Variants in RSPH14 observed in about 807,000 individuals in gnomAD.
The protein encoded by RSPH14 is radial spoke head 14 homolog.
RSPH14 carries 20 observed loss-of-function variants against 26.7 expected under a neutral mutation model. The observed-to-expected ratio is 0.75, with a 90% confidence interval of 0.53 to 1.09. The LOEUF (loss-of-function observed/expected upper bound fraction) is 1.09, where lower values mean the gene tolerates loss of function less well. Among genes scored for constraint, RSPH14 ranks in the 50% least tolerant of loss-of-function variants. The probability of loss-of-function intolerance (pLI) is 0.00; values close to 1 mark genes in which losing one functional copy is unlikely to be tolerated. For missense variants in RSPH14, 449 were observed against 457.2 expected (o/e 0.98, Z 0.16); for synonymous variants, 177 against 189.3 (o/e 0.93, Z 0.53).
At position 23,134,020 on chromosome 22, in the gene RSPH14, G is replaced by A; in HGVS notation, c.421+6C>T. On this transcript the variant is annotated splice_donor_region_variant and intron_variant, in intron 4 of 6. Transcript: ENST00000216036. ...CGACAGATCTGTGTGCAGGACGCAA[G>A]CCTACCTCTAGGCACCTGGACCAGC... 6.2e-7 allele frequency: 1 copy of A among 1,609,156 alleles called. No individual in the cohort carries two copies. The highest frequency in any genetic ancestry group is 8.5e-7 in the Non-Finnish European group (1 of 1,175,708).
chr22:23,177,744 A>C, the RSPH14 span, among the ~76,000 whole-genome samples: 1 of 152,168 alleles, frequency 6.6e-6, no homozygotes, highest in Non-Finnish European at 1.5e-5. Context: ...CCTTGTGCCT[A>C]ACAAAAAGCC....
intron 4 of RSPH14, among the ~76,000 whole-genome samples, chr22:23,091,114 G>T (rs952752571): frequency 6.6e-6 from 1 of 152,228 alleles, no homozygotes; most frequent in Admixed American, 6.5e-5. Context: ...CTGCACACAC[G>T]CACAACCACA....
chr22:23,121,235 C>T (rs1386374223), intron 4 of RSPH14, among the ~76,000 whole-genome samples: 1 of 152,234 alleles, frequency 6.6e-6, no homozygotes, highest in Admixed American at 6.5e-5. Flanking sequence ...TATTCCGAAG[C>T]TCATTCTAAA....
chr22:23,075,572 A>G (rs3788341), intron 4 of RSPH14, among the ~76,000 whole-genome samples: 63,348 of 152,106 alleles, frequency 0.42, 14,407 homozygotes, highest in East Asian at 0.6. Context: ...AAATTAAGGT[A>G]TAACTCTCTT....
chr22:23,110,305 G>A (rs2069609022), intron 4 of RSPH14, among the ~76,000 whole-genome samples: 2 of 152,156 alleles, frequency 1.3e-5, no homozygotes, highest in South Asian at 4.1e-4. Context: ...CTTCTCGGAG[G>A]TGAACAGAAC....
At chr22:23,099,340 A>T (rs2069227545) in intron 4 of RSPH14, among the ~76,000 whole-genome samples, 1 of 152,092 alleles carries the variant, frequency 6.6e-6, no homozygotes, top group African/African-American at 2.4e-5. Flanking sequence ...CACGGTTCCC[A>T]CCCTCGTCCG....
chr22:23,095,280 C>CGG (rs1052967393), intron 4 of RSPH14: 1 of 197,712 alleles, frequency 5.1e-6, no homozygotes, highest in African/African-American at 2.4e-5. Context: ...GAGCCGGAGG[C>CGG]GGGGGGCTGC....
intron 4 of RSPH14, among the ~76,000 whole-genome samples, chr22:23,069,119 G>A (rs1458113794): frequency 6.6e-6 from 1 of 152,226 alleles, no homozygotes; most frequent in Non-Finnish European, 1.5e-5. Context: ...GGAGGTTATG[G>A]GATGATGCTG....
the RSPH14 span, chr22:23,162,610 C>G: frequency 4.4e-6 from 2 of 455,942 alleles, no homozygotes; most frequent in Non-Finnish European, 4.4e-6. Flanking sequence ...TCCCCAGCCT[C>G]TCTGCCCAGT....
chr22:23,061,567 C>G (rs74954522), intron 6 of RSPH14, among the ~76,000 whole-genome samples: 1 of 152,170 alleles, frequency 6.6e-6, no homozygotes, highest in East Asian at 1.9e-4. Flanking sequence ...CAGACTGGTG[C>G]GAAGGCACAG....
the RSPH14 span, among the ~76,000 whole-genome samples, chr22:23,170,561 C>A: frequency 1.4e-5 from 2 of 141,338 alleles, no homozygotes; most frequent in Admixed American, 7.2e-5. Context: ...GAAGCTTGGG[C>A]AACATGGTGA....
At chr22:23,130,457 A>G (rs1219943114) in intron 4 of RSPH14, among the ~76,000 whole-genome samples, 1 of 131,440 alleles carries the variant, frequency 7.6e-6, no homozygotes, top group Non-Finnish European at 1.6e-5. Flanking sequence ...TCTGTCTCAA[A>G]AAAAAAAGAA....
the RSPH14 span, among the ~76,000 whole-genome samples, chr22:23,167,787 A>G: frequency 6.6e-6 from 1 of 151,870 alleles, no homozygotes; most frequent in African/African-American, 2.4e-5. Flanking sequence ...GTCTCAAGCA[A>G]TCCTCCTGTC....
chr22:23,087,681 G>C (rs2068856131), intron 4 of RSPH14, among the ~76,000 whole-genome samples: 1 of 152,188 alleles, frequency 6.6e-6, no homozygotes. Context: ...AGTGAGCCAG[G>C]AGTGCTGATT....
At chr22:23,087,065 A>G (rs747290280) in intron 4 of RSPH14, among the ~76,000 whole-genome samples, 6 of 152,224 alleles carry the variant, frequency 3.9e-5, no homozygotes, top group Non-Finnish European at 7.3e-5. Flanking sequence ...GTAATCTGCA[A>G]TGGCCACAGG....
At chr22:23,062,071 TG>T in intron 5 of RSPH14, 126 bp from the exon 6 acceptor site, 1 of 1,156,480 alleles carries the variant, frequency 8.6e-7, no homozygotes, top group Non-Finnish European at 1.2e-6. Flanking sequence ...GTCCCAGGAC[TG>T]GTCCCCATGA....
At chr22:23,090,937 CAAGT>C (rs2068953932) in intron 4 of RSPH14, among the ~76,000 whole-genome samples, 1 of 152,198 alleles carries the variant, frequency 6.6e-6, no homozygotes, top group South Asian at 2.1e-4. Flanking sequence ...CATGGTTTAG[CAAGT>C]AAGTGTGGGA....
At position 23,140,485 on chromosome 22, in the gene RSPH14, A is replaced by G; in HGVS notation, c.-52-13T>C. ...CAGAAACCACTCACTAAAAGAGACC[A>G]AAAAGCTGTCATTATTTCTATTATG... On this transcript the variant is annotated splice_polypyrimidine_tract_variant and intron_variant, in intron 1 of 6. Coordinates refer to ENST00000216036, the MANE Select transcript of RSPH14 (RefSeq NM_014433.3). 1 of 1,564,174 alleles carries G rather than the reference A, an allele frequency of 6.4e-7. No individual in the cohort carries two copies. The highest frequency in any genetic ancestry group is 1.4e-5 in the African/African-American group (1 of 73,566).
At chr22:23,169,913 A>C in the RSPH14 span, among the ~76,000 whole-genome samples, 1 of 152,074 alleles carries the variant, frequency 6.6e-6, no homozygotes, top group South Asian at 2.1e-4. Flanking sequence ...GAACAGGGCA[A>C]CATGGCAAAA....
Sources: allele counts gnomAD v4.1 joint callset (sites outside exome capture counted in the v4.1 genomes callset), GRCh38; gene constraint gnomAD v4.1.1; transcripts MANE v1.5; gene names NCBI Gene and HGNC (gene_info 2026-07-23, HGNC 2026-07-21).